The following EGFLAM variants were observed in gnomAD, a reference collection of about 807,000 sequenced individuals.
EGFLAM encodes pikachurin.
A neutral mutation model predicts 113.1 loss-of-function variants in EGFLAM; 79 were observed. That is an observed-to-expected ratio of 0.70 (90% CI 0.58 to 0.84). EGFLAM has a LOEUF of 0.84. Among genes scored for constraint, EGFLAM ranks in the 40% least tolerant of loss-of-function variants. The pLI is 0.00. For missense variants in EGFLAM, 1,265 were observed against 1,291.6 expected, an observed-to-expected ratio of 0.98 and a Z score of 0.32; for synonymous variants, 504 against 487.6, an observed-to-expected ratio of 1.03 and a Z score of -0.44.
At position 38,409,040 on chromosome 5, in the gene EGFLAM, G is replaced by A. The variant is rs1461002865; in HGVS notation, c.1285G>A (p.Glu429Lys). Residue 429 changes from glutamate (E) to lysine (K), a missense_variant, in exon 10 of 22, where the codon GAG (glutamate) becomes AAG (lysine). By Grantham distance (56) the Glu-to-Lys change is moderately conservative (BLOSUM62 1). Coordinates refer to ENST00000322350, the MANE Select transcript of EGFLAM (RefSeq NM_152403.4). Reference protein sequence around the residue: ...AEDGLLLYCGENEHGRGDFMS... With the variant: ...AEDGLLLYCGKNEHGRGDFMS... ...GGATGGCTTACTGCTCTACTGTGGG[G>A]AGAACGAACACGGGAGGGGGGATTT... is the stretch of plus-strand genomic sequence containing the variant. 1 of 1,595,618 alleles carries A rather than the reference G, an allele frequency of 6.3e-7. No individual in the cohort carries two copies. Among genetic ancestry groups the A allele is most frequent in the African/African-American group, 1.3e-5 (1 of 74,608 alleles).
At chr5:38,347,773 C>T (rs1407042198) in intron 3 of EGFLAM, among the ~76,000 whole-genome samples, 5 of 152,020 alleles carry the variant, frequency 3.3e-5, no homozygotes, top group Admixed American at 6.6e-5. Flanking sequence ...GTGTGAAGTA[C>T]GTGATCAGAT....
intron 2 of EGFLAM, 113 bp from the exon 3 acceptor site, chr5:38,338,585 G>A (rs954332159): frequency 2.9e-5 from 28 of 951,084 alleles, no homozygotes; most frequent in Non-Finnish European, 4.3e-5. Context: ...ACTAGTGCAC[G>A]TGATGTTAGG....
At chr5:38,322,047 C>G (rs1738756457) in intron 1 of EGFLAM, among the ~76,000 whole-genome samples, 1 of 152,202 alleles carries the variant, frequency 6.6e-6, no homozygotes, top group Non-Finnish European at 1.5e-5. Context: ...ACTTCTATTT[C>G]TACTTGAAGA....
intron 6 of EGFLAM, chr5:38,400,994 G>C (rs1741097405): frequency 6.6e-6 from 1 of 152,072 alleles, no homozygotes; most frequent in Non-Finnish European, 1.5e-5. Context: ...CCCAAACTGA[G>C]TGAACTCAGG....
intron 6 of EGFLAM, among the ~76,000 whole-genome samples, chr5:38,393,582 G>A (rs1740871664): frequency 6.6e-6 from 1 of 152,244 alleles, no homozygotes; most frequent in Non-Finnish European, 1.5e-5. Context: ...CAGTAATGAT[G>A]AGACAGATTC....
chr5:38,282,161 T>G (rs1488783699), intron 1 of EGFLAM: 1 of 152,254 alleles, frequency 6.6e-6, no homozygotes, highest in Non-Finnish European at 1.5e-5. Flanking sequence ...TACTGATTAG[T>G]AGAGTTGAAA....
At chr5:38,359,536 G>A (rs1424354210) in intron 5 of EGFLAM, among the ~76,000 whole-genome samples, 2 of 152,150 alleles carry the variant, frequency 1.3e-5, no homozygotes, top group Non-Finnish European at 2.9e-5. Context: ...TTAGCCGGGT[G>A]TGGTGGCACA....
chr5:38,377,909 G>T (rs1297237810), intron 6 of EGFLAM, among the ~76,000 whole-genome samples: 1 of 152,106 alleles, frequency 6.6e-6, no homozygotes, highest in Non-Finnish European at 1.5e-5. Context: ...TTTTACCCCT[G>T]GGTTCTTACT....
intron 1 of EGFLAM, among the ~76,000 whole-genome samples, chr5:38,269,491 T>TC (rs1240008811): frequency 7.4e-6 from 1 of 134,932 alleles, no homozygotes; most frequent in African/African-American, 3.1e-5. Context: ...ACTTTTCTTT[T>TC]CTTTTTTTTT....
At chr5:38,310,502 TGAAGC>T (rs1453124048) in intron 1 of EGFLAM, among the ~76,000 whole-genome samples, 9 of 152,226 alleles carry the variant, frequency 5.9e-5, no homozygotes, top group African/African-American at 2.2e-4. Context: ...TATTTTCATA[TGAAGC>T]TATTCTACCC....
At chr5:38,292,930 A>G (rs1234342252) in intron 1 of EGFLAM, among the ~76,000 whole-genome samples, 1 of 152,184 alleles carries the variant, frequency 6.6e-6, no homozygotes, top group Non-Finnish European at 1.5e-5. Context: ...TTTCTTCCCC[A>G]TGGAACATAA....
At chr5:38,462,168 AAAAAT>A (rs1047575445) in intron 20 of EGFLAM, among the ~76,000 whole-genome samples, 7 of 152,286 alleles carry the variant, frequency 4.6e-5, no homozygotes, top group Admixed American at 4.6e-4. Flanking sequence ...CTCCGTCTCA[AAAAAT>A]AAAATAAAAT....
chr5:38,448,507 CAG>C (rs897652416), intron 18 of EGFLAM, 128 bp downstream of exon 18: 26 of 919,144 alleles, frequency 2.8e-5, no homozygotes, highest in Non-Finnish European at 3.4e-5. Flanking sequence ...GCCATGGCCT[CAG>C]GGGAAAAACA....
At chr5:38,427,323 A>G (rs1255041063) in intron 14 of EGFLAM, 71 bp downstream of exon 14, 1 of 1,571,436 alleles carries the variant, frequency 6.4e-7, no homozygotes, top group Non-Finnish European at 8.6e-7. Context: ...AAAAAAACCA[A>G]ATCGCCATTC....
chr5:38,362,876 T>G (rs1739959973), intron 5 of EGFLAM, among the ~76,000 whole-genome samples: 1 of 152,176 alleles, frequency 6.6e-6, no homozygotes, highest in South Asian at 2.1e-4. Flanking sequence ...ACCCTAAACA[T>G]TCCTGATATA....
chr5:38,402,481 T>C (rs928026671), intron 6 of EGFLAM, among the ~76,000 whole-genome samples: 2 of 152,214 alleles, frequency 1.3e-5, no homozygotes, highest in African/African-American at 2.4e-5. Flanking sequence ...GATCAACATA[T>C]GGTAATTTTC....
chr5:38,394,297 C>T (rs1316166549), intron 6 of EGFLAM, among the ~76,000 whole-genome samples: 1 of 152,058 alleles, frequency 6.6e-6, no homozygotes. Flanking sequence ...ACGGTTTAGC[C>T]AGGAGCCTAG....
intron 3 of EGFLAM, among the ~76,000 whole-genome samples, chr5:38,342,428 C>T (rs992687581): frequency 2.0e-5 from 3 of 152,168 alleles, no homozygotes; most frequent in Non-Finnish European, 4.4e-5. Context: ...GACCGATTAC[C>T]TTAAAAGGTA....
At chr5:38,276,418 A>G (rs1757886596) in intron 1 of EGFLAM, among the ~76,000 whole-genome samples, 1 of 152,222 alleles carries the variant, frequency 6.6e-6, no homozygotes, top group Admixed American at 6.5e-5. Flanking sequence ...TATATGATAA[A>G]GCAAAAGCAG....
Sources: gnomAD v4.1 joint callset for allele counts (sites outside exome capture counted in the v4.1 genomes callset) on GRCh38, gnomAD v4.1.1 for gene constraint, MANE v1.5 for transcripts, NCBI Gene and HGNC (gene_info 2026-07-23, HGNC 2026-07-21) for gene names.